WARS1: variants seen among roughly 807,000 people sequenced by gnomAD.
WARS1 encodes tryptophan--tRNA ligase, cytoplasmic.
A neutral mutation model predicts 47.8 loss-of-function variants in WARS1; 17 were observed. The ratio of observed to expected loss-of-function variants is 0.36; its 90% CI spans 0.24 to 0.53. The LOEUF is 0.53. Among genes scored for constraint, WARS1 ranks in the 20% least tolerant of loss-of-function variants. The pLI, the probability that WARS1 is intolerant of heterozygous loss-of-function variation, is 0.91. For synonymous variants in WARS1, 208 were observed against 228.1 expected (o/e 0.91, Z 0.79); for missense variants, 434 against 608.0 (o/e 0.71, Z 3.01).
At chr14:100,366,439 A>G (rs751626485) in intron 2 of WARS1, among the ~76,000 whole-genome samples, 1 of 152,218 alleles carries the variant, frequency 6.6e-6, no homozygotes, top group Non-Finnish European at 1.5e-5. Flanking sequence ...CACCCCCCAA[A>G]ACACCAGCAA....
intron 7 of WARS1, among the ~76,000 whole-genome samples, chr14:100,344,436 C>T (rs1894392282): frequency 6.6e-6 from 1 of 152,038 alleles, no homozygotes; most frequent in Admixed American, 6.6e-5. Context: ...CTCGCTACAA[C>T]CTCCACCTCC....
intron 2 of WARS1, among the ~76,000 whole-genome samples, chr14:100,362,413 G>C (rs1324649884): frequency 6.6e-6 from 1 of 151,948 alleles, no homozygotes; most frequent in Non-Finnish European, 1.5e-5. Context: ...AGGATAGTAA[G>C]AGCAACTAAA....
chr14:100,365,122 A>AAC (rs1895877657), intron 2 of WARS1, among the ~76,000 whole-genome samples: 2 of 72,604 alleles, frequency 2.8e-5, no homozygotes, highest in African/African-American at 5.4e-5. Context: ...TGTCTCAAAA[A>AAC]ATACACACAC....
chr14:100,369,942 G>A (rs547312796), intron 1 of WARS1, among the ~76,000 whole-genome samples: 1 of 151,918 alleles, frequency 6.6e-6, no homozygotes, highest in South Asian at 2.1e-4. Context: ...TGGGATTATA[G>A]GTGTGAGCCA....
At chr14:100,335,854 T>C (rs963241952) in intron 10 of WARS1, among the ~76,000 whole-genome samples, 28 of 152,328 alleles carry the variant, frequency 1.8e-4, no homozygotes, top group African/African-American at 6.7e-4. Flanking sequence ...TAGATTTTCT[T>C]CACATTTCTT....
At chr14:100,339,882 C>T (rs996305469) in intron 9 of WARS1, 2 of 152,224 alleles carry the variant, frequency 1.3e-5, no homozygotes, top group Non-Finnish European at 2.9e-5. Flanking sequence ...AACAAGGAAA[C>T]TGGTGTCTGC....
chr14:100,352,197 C>T (rs1193478373), intron 6 of WARS1, among the ~76,000 whole-genome samples: 1 of 147,754 alleles, frequency 6.8e-6, no homozygotes, highest in Non-Finnish European at 1.5e-5. Flanking sequence ...CTGCAACCTC[C>T]GCCTCCCAGG....
intron 6 of WARS1, 50 bp from the exon 7 acceptor site, chr14:100,346,896 A>C: frequency 1.3e-6 from 2 of 1,519,328 alleles, no homozygotes; most frequent in Non-Finnish European, 1.8e-6. Flanking sequence ...GCCTTCACTG[A>C]AGGCAAAGTC....
intron 2 of WARS1, 45 bp downstream of exon 2, chr14:100,369,042 G>A (rs201289945): frequency 1.4e-6 from 2 of 1,415,518 alleles, no homozygotes; most frequent in Non-Finnish European, 1.9e-6. Flanking sequence ...CTACAGACTT[G>A]GGAGGCTCAG....
At chr14:100,339,014 G>A (rs1169412992) in intron 9 of WARS1, among the ~76,000 whole-genome samples, 1 of 151,862 alleles carries the variant, frequency 6.6e-6, no homozygotes, top group East Asian at 2.0e-4. Context: ...GTTGAGGCAG[G>A]AGAATCGCTT....
At chr14:100,366,631 CCATGGA>C in intron 2 of WARS1, 1 of 757,242 alleles carries the variant, frequency 1.3e-6, no homozygotes, top group African/African-American at 1.7e-5. Context: ...CAGACATGGC[CCATGGA>C]CATGGACATG....
At chr14:100,349,604 C>A (rs1894842632) in intron 6 of WARS1, among the ~76,000 whole-genome samples, 1 of 152,222 alleles carries the variant, frequency 6.6e-6, no homozygotes, top group Non-Finnish European at 1.5e-5. Flanking sequence ...CTCACAGGAA[C>A]ATGGAAGCTC....
At chr14:100,336,105 C>G (rs1893706814) in intron 10 of WARS1, among the ~76,000 whole-genome samples, 1 of 151,788 alleles carries the variant, frequency 6.6e-6, no homozygotes, top group South Asian at 2.1e-4. Context: ...AAAACCCTGT[C>G]TCTACTAAAA....
rs929781237 is a variant in WARS1, at chr14:100,360,593, G to A, written c.383C>T (p.Pro128Leu). ...NRIERATGQR[P>L]HHFLRRGIFF... ...GATGCCTCTGCGCAGGAAGTGGTGT[G>A]GTCTTTGGCCGGTGGCTCTCTCTAT... Residue 128 changes from proline (P) to leucine (L), a missense_variant, in exon 4 of 11, where the codon CCA (proline) becomes CTA (leucine). Physicochemically the swap from Pro to Leu is moderately conservative, Grantham distance 98 (BLOSUM62 -3). This residue lies in a region of WARS1 where 347 missense variants were observed against 523.8 expected (regional missense o/e 0.66). Coordinates refer to ENST00000392882, the MANE Select transcript of WARS1 (RefSeq NM_004184.4). 3 of 1,613,780 alleles carry A rather than the reference G, an allele frequency of 1.9e-6. No individual in the cohort carries two copies. The highest frequency in any genetic ancestry group is 2.5e-6 in the Non-Finnish European group (3 of 1,179,750).
chr14:100,346,354 T>G (rs1353983401), intron 7 of WARS1, among the ~76,000 whole-genome samples: 1 of 152,196 alleles, frequency 6.6e-6, no homozygotes, highest in Admixed American at 6.5e-5. Flanking sequence ...GGCCCTCTCA[T>G]GGGCAGCAGA....
In WARS1 at chr14:100,366,857, T is replaced by A; in HGVS notation, c.99+2230A>T. ...AGGATTCAAATGGGGATTTGCTGCATTTGTGGTAGCTGTAGGAGCTGAATA... is the reference window on the plus strand; with the variant it reads ...AGGATTCAAATGGGGATTTGCTGCAATTGTGGTAGCTGTAGGAGCTGAATA... On this transcript the variant is annotated intron_variant, in intron 2 of 10. Coordinates refer to ENST00000392882, the MANE Select transcript of WARS1 (RefSeq NM_004184.4). 6 of 1,604,238 alleles carry A rather than the reference T, an allele frequency of 3.7e-6. No homozygotes were observed. The South Asian group carries it at 6.6e-5, about 18-fold the overall frequency.
chr14:100,341,772 C>T (rs1894178801), intron 9 of WARS1, among the ~76,000 whole-genome samples: 1 of 152,240 alleles, frequency 6.6e-6, no homozygotes, highest in African/African-American at 2.4e-5. Context: ...CGTGGATGGA[C>T]GTTTCTCCGT....
chr14:100,374,225 G>A (rs1472976064), intron 1 of WARS1: 1 of 152,224 alleles, frequency 6.6e-6, no homozygotes, highest in Non-Finnish European at 1.5e-5. Flanking sequence ...TTGAGACTTT[G>A]TTAAGAGAAG....
chr14:100,363,908 G>C (rs912408787), intron 2 of WARS1, among the ~76,000 whole-genome samples: 3 of 152,100 alleles, frequency 2.0e-5, no homozygotes, highest in Admixed American at 6.5e-5. Context: ...TTATAGGCAT[G>C]AGCCACGGAG....
Sources: gnomAD v4.1 joint callset for allele counts (sites outside exome capture counted in the v4.1 genomes callset) on GRCh38, gnomAD v4.1.1 for gene constraint, gnomAD v4.1.1 regional missense constraint, MANE v1.5 for transcripts, NCBI Gene and HGNC (gene_info 2026-07-23, HGNC 2026-07-21) for gene names.